LRRC4C: variants seen among roughly 807,000 people sequenced by gnomAD.
LRRC4C encodes leucine-rich repeat-containing protein 4C.
LRRC4C carries 5 observed loss-of-function variants against 33.6 expected under a neutral mutation model. The observed-to-expected ratio is 0.15, with a 90% CI of 0.08 to 0.31. LRRC4C has a LOEUF of 0.31. Among genes scored for constraint, LRRC4C ranks in the 10% least tolerant of loss-of-function variants. LRRC4C has a pLI of 1.00. For synonymous variants in LRRC4C, 329 were observed against 302.0 expected, an observed-to-expected ratio of 1.09 and a Z score of -0.93; for missense variants, 560 against 796.7, an observed-to-expected ratio of 0.70 and a Z score of 3.58.
intron 1 of LRRC4C, among the ~76,000 whole-genome samples, chr11:41,110,197 A>G (rs1941749798): frequency 6.6e-6 from 1 of 152,080 alleles, no homozygotes; most frequent in Non-Finnish European, 1.5e-5. Flanking sequence ...CTTACGGCTT[A>G]TTCTTTAATC....
At chr11:40,195,820 T>C (rs986661496) in intron 5 of LRRC4C, among the ~76,000 whole-genome samples, 1 of 152,200 alleles carries the variant, frequency 6.6e-6, no homozygotes, top group Admixed American at 6.5e-5. Flanking sequence ...ATATACATAA[T>C]TTCTTAGAAC....
At chr11:40,491,074 A>G (rs1045439415) in intron 3 of LRRC4C, among the ~76,000 whole-genome samples, 1 of 152,118 alleles carries the variant, frequency 6.6e-6, no homozygotes. Flanking sequence ...ATTTGAGGCC[A>G]GGAGTAGAGA....
chr11:40,663,743 A>G (rs1378083969), intron 2 of LRRC4C, among the ~76,000 whole-genome samples: 2 of 152,198 alleles, frequency 1.3e-5, no homozygotes, highest in Non-Finnish European at 2.9e-5. Context: ...CTAAATTTGT[A>G]CCTAATAACA....
At chr11:41,166,473 A>G (rs1944734251) in intron 1 of LRRC4C, among the ~76,000 whole-genome samples, 1 of 152,228 alleles carries the variant, frequency 6.6e-6, no homozygotes, top group African/African-American at 2.4e-5. Context: ...GGCATGTGGA[A>G]TTATAATTAG....
chr11:40,520,338 A>T (rs894862978), intron 3 of LRRC4C, among the ~76,000 whole-genome samples: 7 of 150,380 alleles, frequency 4.7e-5, no homozygotes, highest in Non-Finnish European at 1.0e-4. Context: ...CTCAGTTTTT[A>T]ACATGCTTTC....
chr11:40,851,004 A>T (rs1953461146), intron 2 of LRRC4C, among the ~76,000 whole-genome samples: 1 of 152,146 alleles, frequency 6.6e-6, no homozygotes, highest in Non-Finnish European at 1.5e-5. Context: ...CCCTGGGTGG[A>T]CTTCACACTG....
intron 3 of LRRC4C, among the ~76,000 whole-genome samples, chr11:40,495,078 C>T (rs1359152029): frequency 6.6e-6 from 1 of 152,094 alleles, no homozygotes; most frequent in African/African-American, 2.4e-5. Context: ...GATAAGTGTC[C>T]ATTTTTAATC....
intron 2 of LRRC4C, among the ~76,000 whole-genome samples, chr11:40,888,863 A>T (rs1955577037): frequency 6.6e-6 from 1 of 151,982 alleles, no homozygotes; most frequent in African/African-American, 2.4e-5. Flanking sequence ...TAAAATTTTC[A>T]CACCAAAATG....
At chr11:40,382,684 ATTTTTTTTTTTTTTTT>A (rs35200000) in intron 3 of LRRC4C, among the ~76,000 whole-genome samples, 1 of 65,546 alleles carries the variant, frequency 1.5e-5, no homozygotes, top group African/African-American at 6.4e-5. Context: ...ACTTGTACTC[ATTTTTTTTTTTTTTTT>A]TTTTTTTTTT....
intron 5 of LRRC4C, among the ~76,000 whole-genome samples, chr11:40,230,130 G>GA (rs1271672427): frequency 1.3e-5 from 2 of 152,228 alleles, no homozygotes; most frequent in African/African-American, 4.8e-5. Context: ...TGGAAGAGAA[G>GA]AAAGGACAGA....
At chr11:40,171,582 G>A (rs1860049969) in intron 5 of LRRC4C, among the ~76,000 whole-genome samples, 1 of 152,082 alleles carries the variant, frequency 6.6e-6, no homozygotes, top group Non-Finnish European at 1.5e-5. Flanking sequence ...TAAAAAAGGG[G>A]TCTTTATAAG....
chr11:40,227,441 T>TA (rs1295096554), intron 5 of LRRC4C, among the ~76,000 whole-genome samples: 1 of 152,182 alleles, frequency 6.6e-6, no homozygotes, highest in African/African-American at 2.4e-5. Flanking sequence ...ATTAGGTCAG[T>TA]AAGTTTACCA....
chr11:41,307,567 C>T (rs1245131471), intron 1 of LRRC4C, among the ~76,000 whole-genome samples: 1 of 152,170 alleles, frequency 6.6e-6, no homozygotes, highest in Non-Finnish European at 1.5e-5. Flanking sequence ...CAAACAGACA[C>T]CATTGTGGGG....
At chr11:40,709,736 C>A (rs967727317) in intron 2 of LRRC4C, among the ~76,000 whole-genome samples, 1 of 151,992 alleles carries the variant, frequency 6.6e-6, no homozygotes. Flanking sequence ...TGTTGGCTTG[C>A]CTTGCTAGGT....
intron 3 of LRRC4C, among the ~76,000 whole-genome samples, chr11:40,337,131 C>A (rs1946663942): frequency 6.6e-6 from 1 of 151,940 alleles, no homozygotes; most frequent in Non-Finnish European, 1.5e-5. Flanking sequence ...AAAAAGCACT[C>A]CAGACAAAAG....
chr11:40,579,388 G>T (rs1480272319), intron 3 of LRRC4C, among the ~76,000 whole-genome samples: 1 of 151,914 alleles, frequency 6.6e-6, no homozygotes, highest in East Asian at 1.9e-4. Flanking sequence ...AAGCAGTAAA[G>T]TTGGGTTTAT....
chr11:41,015,718 G>A lies in LRRC4C; in HGVS notation c.-495-81995C>T, dbSNP rs1590243417. On this transcript the variant is annotated intron_variant, in intron 1 of 6. Transcript: ENST00000528697. The stretch of plus-strand genomic sequence containing the variant: ...AAATTTGGAAAAAAATATCAAATGC[G>A]TCAAAGTGGAAAATTAAATTTTGGG... Among the ~76,000 whole-genome samples the A allele has an allele frequency of 3.9e-5, 6 of 152,266 alleles. No individual in the cohort carries two copies. In the South Asian group the frequency reaches 1.2e-3, roughly 32 times the overall value.
intron 1 of LRRC4C, among the ~76,000 whole-genome samples, chr11:41,008,724 C>T (rs552258317): frequency 6.6e-6 from 1 of 152,206 alleles, no homozygotes; most frequent in South Asian, 2.1e-4. Context: ...CTTATACCAA[C>T]TTGTATTTAG....
At chr11:41,354,795 G>A (rs1165559426) in intron 1 of LRRC4C, among the ~76,000 whole-genome samples, 1 of 151,994 alleles carries the variant, frequency 6.6e-6, no homozygotes, top group African/African-American at 2.4e-5. Context: ...TAACTGGCTA[G>A]CCATATGCAG....
Sources: gnomAD v4.1 joint callset for allele counts (sites outside exome capture counted in the v4.1 genomes callset) on GRCh38, gnomAD v4.1.1 for gene constraint, MANE v1.5 for transcripts, NCBI Gene and HGNC (gene_info 2026-07-23, HGNC 2026-07-21) for gene names.